The following MAF variants were observed in gnomAD, a reference collection of about 807,000 sequenced individuals.
The protein encoded by MAF is transcription factor Maf.
In MAF, 10 loss-of-function variants were observed where a neutral mutation model predicts 22.0. That is an observed-to-expected ratio of 0.45 (90% CI 0.28 to 0.77). The LOEUF is 0.77. MAF is among the 30% of genes least tolerant of loss of function. MAF has a pLI of 0.12. For missense variants in MAF, 544 were observed against 548.4 expected (o/e 0.99, Z 0.08); for synonymous variants, 337 against 255.8 (o/e 1.32, Z -3.03).
At chr16:79,503,870 T>G in the MAF span, among the ~76,000 whole-genome samples, 1 of 152,222 alleles carries the variant, frequency 6.6e-6, no homozygotes, top group African/African-American at 2.4e-5. Context: ...TTTTTGGTAA[T>G]TTCTTAAGTG....
chr16:79,337,506 T>C, the MAF span, among the ~76,000 whole-genome samples: 7 of 152,074 alleles, frequency 4.6e-5, no homozygotes, highest in Non-Finnish European at 8.8e-5. Context: ...AGGCGGAGGT[T>C]GCAGTGAGCC....
chr16:79,445,837 G>A, the MAF span, among the ~76,000 whole-genome samples: 4 of 152,198 alleles, frequency 2.6e-5, no homozygotes, highest in Non-Finnish European at 4.4e-5. Context: ...TATTATAGAT[G>A]TTATTTCAAA....
Position 79,594,452 on chromosome 16 carries a change from C to T in MAF, c.*8G>A, listed in dbSNP as rs746468654. Reference sequence around the variant, plus strand: ...GATTTTTTTTAATGTACAGCTCTCACACAAATTTCATTTTGTGAACACACT... The same window carrying T: ...GATTTTTTTTAATGTACAGCTCTCATACAAATTTCATTTTGTGAACACACT... On this transcript the variant is annotated 3_prime_UTR_variant, in exon 2 of 2. Transcript: ENST00000326043. 23 of 1,554,162 alleles carry T rather than the reference C, an allele frequency of 1.5e-5. No individual in the cohort carries two copies. The highest frequency in any genetic ancestry group is 2.0e-5 in the Non-Finnish European group (23 of 1,147,644).
the MAF span, among the ~76,000 whole-genome samples, chr16:79,397,835 T>C: frequency 6.6e-6 from 1 of 152,234 alleles, no homozygotes; most frequent in Non-Finnish European, 1.5e-5. Flanking sequence ...GAGGCACCTC[T>C]GGCCATGCCC....
At chr16:79,571,591 G>A in the MAF span, among the ~76,000 whole-genome samples, 1 of 136,662 alleles carries the variant, frequency 7.3e-6, no homozygotes, top group South Asian at 2.4e-4. Context: ...CCCATAAAAT[G>A]GGAAACTGTT....
chr16:79,473,744 C>T, the MAF span, among the ~76,000 whole-genome samples: 6 of 152,080 alleles, frequency 3.9e-5, no homozygotes, highest in Non-Finnish European at 7.4e-5. Context: ...AGTACTTAAC[C>T]GTATCGCAAG....
chr16:79,417,350 C>G, the MAF span, among the ~76,000 whole-genome samples: 1 of 152,234 alleles, frequency 6.6e-6, no homozygotes, highest in Non-Finnish European at 1.5e-5. Context: ...CAAAGTCAGT[C>G]TGTCTGCAAC....
chr16:79,567,683 C>A, the MAF span, among the ~76,000 whole-genome samples: 36 of 152,324 alleles, frequency 2.4e-4, 1 homozygote, highest in Admixed American at 1.6e-3. Context: ...CTGGGTATCT[C>A]CTCCCTGCCT....
chr16:79,221,974 G>C, the MAF span, among the ~76,000 whole-genome samples: 1 of 152,170 alleles, frequency 6.6e-6, no homozygotes, highest in East Asian at 1.9e-4. Flanking sequence ...ACAGAGAAAC[G>C]TTTTTCTTAA....
At chr16:79,598,736 C>A in intron 1 of MAF, 49 bp downstream of exon 1, 1 of 1,612,256 alleles carries the variant, frequency 6.2e-7, no homozygotes, top group East Asian at 2.2e-5. Context: ...GCCGGACCCC[C>A]GCGGAGCACT....
Position 79,594,133 on chromosome 16 carries a change from G to A in MAF, c.*327C>T. 3.2e-6 allele frequency: 1 copy of A among 314,986 alleles called. No homozygotes were observed. Among genetic ancestry groups the A allele is most frequent in the East Asian group, 4.7e-5 (1 of 21,440 alleles). 19.5% of individuals were successfully genotyped at this position (314,986 alleles called of 1,614,324 possible). On this transcript the variant is annotated 3_prime_UTR_variant, in exon 2 of 2. Coordinates refer to ENST00000326043, the MANE Select transcript of MAF (RefSeq NM_005360.5). ...TTAAAATGCTAATTGTTGCATTCCGGGAAACTTTCCATTATATATATGCAT... is the reference window on the plus strand; with the variant it reads ...TTAAAATGCTAATTGTTGCATTCCGAGAAACTTTCCATTATATATATGCAT...
At chr16:79,296,355 A>C in the MAF span, among the ~76,000 whole-genome samples, 1 of 152,132 alleles carries the variant, frequency 6.6e-6, no homozygotes, top group Non-Finnish European at 1.5e-5. Context: ...AACAACACAC[A>C]CTGGGGCCTG....
the MAF span, among the ~76,000 whole-genome samples, chr16:79,341,252 T>G: frequency 4.5e-3 from 681 of 152,308 alleles, 4 homozygotes; most frequent in African/African-American, 0.015. Context: ...TGGAGCCAGA[T>G]GCCCTGTACC....
At chr16:79,579,092 G>T in the MAF span, among the ~76,000 whole-genome samples, 1 of 152,026 alleles carries the variant, frequency 6.6e-6, no homozygotes, top group Non-Finnish European at 1.5e-5. Context: ...CCTTGTTAGG[G>T]GGAAAGAAAA....
At chr16:79,266,475 T>G in the MAF span, among the ~76,000 whole-genome samples, 2 of 151,912 alleles carry the variant, frequency 1.3e-5, no homozygotes, top group Non-Finnish European at 2.9e-5. Flanking sequence ...ATTATCAAAG[T>G]CAGAAAGATG....
the MAF span, chr16:79,211,868 C>G: frequency 6.3e-7 from 1 of 1,596,168 alleles, no homozygotes; most frequent in Non-Finnish European, 8.5e-7. Flanking sequence ...CAGGGCTGGG[C>G]CCCTTCCAAA....
chr16:79,447,656 T>A, the MAF span, among the ~76,000 whole-genome samples: 2 of 152,046 alleles, frequency 1.3e-5, no homozygotes, highest in African/African-American at 4.8e-5. Flanking sequence ...TGGAGGGAGA[T>A]CAAAATATAA....
At chr16:79,405,141 A>G in the MAF span, among the ~76,000 whole-genome samples, 100 of 152,266 alleles carry the variant, frequency 6.6e-4, no homozygotes, top group African/African-American at 2.2e-3. Flanking sequence ...AATCCATGTC[A>G]TCTAGGAATC....
chr16:79,430,822 C>A, the MAF span, among the ~76,000 whole-genome samples: 4 of 152,202 alleles, frequency 2.6e-5, no homozygotes, highest in African/African-American at 9.6e-5. Flanking sequence ...CTGTGTTTTG[C>A]CCTCTGCTCT....
Sources: allele counts gnomAD v4.1 joint callset (sites outside exome capture counted in the v4.1 genomes callset), GRCh38; gene constraint gnomAD v4.1.1; transcripts MANE v1.5; gene names NCBI Gene and HGNC (gene_info 2026-07-23, HGNC 2026-07-21).